FBXO33: variants seen among roughly 807,000 people sequenced by gnomAD.
FBXO33 encodes the protein F-box protein 33, also known as F-box only protein 33.
FBXO33 carries 22 observed loss-of-function variants against 46.3 expected under a neutral mutation model. That is an observed-to-expected ratio of 0.48 (90% CI 0.34 to 0.68). The LOEUF is 0.68. Ranked by LOEUF, FBXO33 falls within the 30% of genes least tolerant of loss-of-function variation. The probability of loss-of-function intolerance (pLI) is 0.01; values close to 1 mark genes in which losing one functional copy is unlikely to be tolerated. For missense variants in FBXO33, 692 were observed against 708.8 expected (o/e 0.98, Z 0.27); for synonymous variants, 337 against 291.3 (o/e 1.16, Z -1.60).
At chr14:39,415,027 A>C (rs1184203625) in intron 1 of FBXO33, among the ~76,000 whole-genome samples, 1 of 152,204 alleles carries the variant, frequency 6.6e-6, no homozygotes, top group South Asian at 2.1e-4. Context: ...CCGTAGTCAG[A>C]ACACACACAC....
chr14:39,400,012 T>C (rs1436586329), intron 3 of FBXO33, among the ~76,000 whole-genome samples: 1 of 152,178 alleles, frequency 6.6e-6, no homozygotes, highest in Non-Finnish European at 1.5e-5. Context: ...GTTACCGCTA[T>C]AGGTGGTGAA....
intron 1 of FBXO33, among the ~76,000 whole-genome samples, chr14:39,412,087 T>C (rs1182079662): frequency 6.6e-6 from 1 of 152,230 alleles, no homozygotes; most frequent in African/African-American, 2.4e-5. Flanking sequence ...TGGCCCATAG[T>C]TTGGTTAAAA....
In FBXO33 at chr14:39,431,751, C is replaced by T. The variant is rs756125489; in HGVS notation, c.412G>A (p.Glu138Lys). 9 of 1,612,834 alleles carry T rather than the reference C, an allele frequency of 5.6e-6. No individual in the cohort carries two copies. Among genetic ancestry groups the T allele is most frequent in the African/African-American group, 1.3e-5 (1 of 74,940 alleles). ...TCGGCGGCGAATTCAACACGCAGCT[C>T]TCGCACGAACCAGCCGCACTTGCGC... ...LMRKCGWFVR[E>K]LRVEFAAENY... Residue 138 changes from glutamate (E) to lysine (K), a missense_variant, in exon 1 of 4, where the codon GAG (glutamate) becomes AAG (lysine). By Grantham distance (56) the Glu-to-Lys change is moderately conservative (BLOSUM62 1). This residue lies in a region of FBXO33 where 412 missense variants were observed against 370.8 expected (regional missense o/e 1.11). Transcript: ENST00000298097.
intron 1 of FBXO33, among the ~76,000 whole-genome samples, chr14:39,413,988 A>G (rs2075435841): frequency 6.6e-6 from 1 of 152,208 alleles, no homozygotes; most frequent in South Asian, 2.1e-4. Context: ...GACCAGATGC[A>G]TTAACCTCTA....
At chr14:39,406,864 G>A (rs1311298929) in intron 1 of FBXO33, among the ~76,000 whole-genome samples, 1 of 152,088 alleles carries the variant, frequency 6.6e-6, no homozygotes, top group Non-Finnish European at 1.5e-5. Flanking sequence ...ACTCAGAAAT[G>A]GCAGATGAAG....
chr14:39,431,962 G>A lies in FBXO33; in HGVS notation c.201C>T (p.Gly67=), dbSNP rs761817061. The A allele has an allele frequency of 3.3e-6, 5 of 1,527,952 alleles. No individual in the cohort carries two copies. In the South Asian group the frequency reaches 6.0e-5, roughly 18 times the overall value. 94.6% of individuals were successfully genotyped at this position (1,527,952 alleles called of 1,614,324 possible). A position where few individuals can be genotyped will look rare whatever the true frequency, so the allele number is the denominator to read the frequency against. Residue 67 remains glycine (G), a synonymous_variant, in exon 1 of 4, where the codon GGC becomes GGT. Transcript: ENST00000298097. The stretch of plus-strand genomic sequence containing the variant: ...TCAGCTCGCTGGGCAGCGACGCAGC[G>A]CCCGCCGCCTGCCCGCACAGAGCCA... ...GRMALCGQAA[G]AASLPSELIV...
Position 39,402,460 on chromosome 14 carries a change from T to C in FBXO33, c.651A>G (p.Gln217=). 3 of 1,583,996 alleles carry C rather than the reference T, an allele frequency of 1.9e-6. No homozygotes were observed. The highest frequency in any genetic ancestry group is 2.6e-6 in the Non-Finnish European group (3 of 1,164,550). Residue 217 remains glutamine (Q), a synonymous_variant, in exon 2 of 4, where the codon CAA becomes CAG. Coordinates refer to ENST00000298097, the MANE Select transcript of FBXO33 (RefSeq NM_203301.4). ...TGAGGTATGTATTTGACAAACTTCC[T>C]TGCTGTTGTAGAACACTTATGTCTC... ...LFGDISVLQQ[Q]GSLSNTYLSK...
chr14:39,414,789 G>A (rs539309218), intron 1 of FBXO33, among the ~76,000 whole-genome samples: 1 of 152,126 alleles, frequency 6.6e-6, no homozygotes, highest in Non-Finnish European at 1.5e-5. Flanking sequence ...AGCCTCCCAA[G>A]TAGATGGGAA....
intron 1 of FBXO33, among the ~76,000 whole-genome samples, chr14:39,430,898 G>T (rs941488942): frequency 6.6e-6 from 1 of 152,086 alleles, no homozygotes; most frequent in Non-Finnish European, 1.5e-5. Context: ...CAACTCCCTC[G>T]CTGCCCGCCC....
Position 39,401,777 on chromosome 14 carries a change from G to C in FBXO33, c.795C>G (p.Thr265=). The change falls in exon 3 of 4, where the codon ACC becomes ACG. Residue 265 remains threonine, a synonymous_variant. Coordinates refer to ENST00000298097, the MANE Select transcript of FBXO33 (RefSeq NM_203301.4). The part of the protein sequence containing the change: ...LSCGFMLEIV[T]PTSLSSLSNA... ...TAGAGAGAGATGACAGTGATGTTGG[G>C]GTTACTATTTCCAGCATAAACCCAC... is the stretch of plus-strand genomic sequence containing the variant. The C allele has an allele frequency of 6.2e-7, 1 of 1,614,130 alleles. No individual in the cohort carries two copies. Among genetic ancestry groups the C allele is most frequent in the Non-Finnish European group, 8.5e-7 (1 of 1,180,014 alleles).
At chr14:39,419,053 C>T (rs558880977) in intron 1 of FBXO33, among the ~76,000 whole-genome samples, 3 of 152,224 alleles carry the variant, frequency 2.0e-5, no homozygotes, top group South Asian at 2.1e-4. Flanking sequence ...GTGGGATTAT[C>T]GAATTCATTC....
intron 1 of FBXO33, among the ~76,000 whole-genome samples, chr14:39,425,620 C>T (rs2075509123): frequency 6.6e-6 from 1 of 152,184 alleles, no homozygotes; most frequent in South Asian, 2.1e-4. Flanking sequence ...TTAACATCCA[C>T]ATTATACTTT....
intron 1 of FBXO33, among the ~76,000 whole-genome samples, chr14:39,420,343 T>C (rs2075475214): frequency 6.6e-6 from 1 of 152,214 alleles, no homozygotes; most frequent in African/African-American, 2.4e-5. Context: ...CTGCATACTT[T>C]AGTAAAGGTA....
At position 39,401,704 on chromosome 14, in the gene FBXO33, T is replaced by C. The variant is rs2075369412; in HGVS notation, c.868A>G (p.Ile290Val). The C allele has an allele frequency of 1.2e-6, 2 of 1,614,096 alleles. No individual in the cohort carries two copies. The highest frequency in any genetic ancestry group is 1.7e-6 in the Non-Finnish European group (2 of 1,180,042). Residue 290 changes from isoleucine (I) to valine (V), a missense_variant, in exon 3 of 4, where the codon ATT (isoleucine) becomes GTT (valine). This residue lies in a region of FBXO33 where 186 missense variants were observed against 246.1 expected (regional missense o/e 0.76). Transcript: ENST00000298097. Reference sequence around the variant, plus strand: ...GTAATAAGAGTGCTGTTACCAGGAATATTATTGTCCAGTAAACTGAGGTGC... The same window carrying C: ...GTAATAAGAGTGCTGTTACCAGGAACATTATTGTCCAGTAAACTGAGGTGC... The part of the protein sequence containing the change: ...MEHLSLLDNN[I>V]PGNSTLITAV...
In FBXO33 at chr14:39,397,941, T is replaced by A. The variant is rs796572842; in HGVS notation, c.*1575A>T. 6.5e-6 allele frequency: 1 copy of A among 152,790 alleles called. No homozygotes were observed. Among genetic ancestry groups the A allele is most frequent in the African/African-American group, 2.4e-5 (1 of 41,584 alleles). The allele number at this position is 152,790 out of a possible 1,614,324, so 9.5% of individuals were successfully genotyped here. A position where few individuals can be genotyped will look rare whatever the true frequency, so the allele number is the denominator to read the frequency against. On this transcript the variant is annotated 3_prime_UTR_variant, in exon 4 of 4. Coordinates refer to ENST00000298097, the MANE Select transcript of FBXO33 (RefSeq NM_203301.4). ...ATTTACACACACTGTGCCAGTGGAT[T>A]CACACTACTGATGTACATATAAAAT...
intron 1 of FBXO33, among the ~76,000 whole-genome samples, chr14:39,409,885 T>C (rs1272243948): frequency 1.3e-5 from 2 of 152,232 alleles, no homozygotes; most frequent in South Asian, 2.1e-4. Context: ...GATTTTTGTA[T>C]GTTGGTTTTG....
intron 1 of FBXO33, among the ~76,000 whole-genome samples, chr14:39,422,842 G>C (rs918722372): frequency 1.3e-5 from 2 of 152,200 alleles, no homozygotes; most frequent in Non-Finnish European, 1.5e-5. Context: ...AAATGCTTAA[G>C]GCCGGGTGCA....
intron 1 of FBXO33, among the ~76,000 whole-genome samples, chr14:39,427,432 T>C (rs754958972): frequency 3.3e-5 from 5 of 152,202 alleles, no homozygotes; most frequent in Non-Finnish European, 7.3e-5. Flanking sequence ...TATATTTTAA[T>C]ATATTTATTC....
intron 1 of FBXO33, among the ~76,000 whole-genome samples, chr14:39,428,084 T>C (rs867909705): frequency 6.6e-6 from 1 of 152,252 alleles, no homozygotes. Context: ...ACAGGATATA[T>C]AAGCAGACAC....
Sources: gnomAD v4.1 joint callset for allele counts (sites outside exome capture counted in the v4.1 genomes callset) on GRCh38, gnomAD v4.1.1 for gene constraint, gnomAD v4.1.1 regional missense constraint, MANE v1.5 for transcripts, NCBI Gene and HGNC (gene_info 2026-07-23, HGNC 2026-07-21) for gene names.